TNNC2: variants seen among roughly 807,000 people sequenced by gnomAD.
The protein encoded by TNNC2 is troponin C2, fast skeletal type, also known as troponin C, skeletal muscle.
Under a neutral mutation model 20.0 loss-of-function variants are expected in TNNC2, and 14 were observed. The ratio of observed to expected loss-of-function variants is 0.70; its 90% CI spans 0.46 to 1.09. The LOEUF (loss-of-function observed/expected upper bound fraction) is 1.09. Ranked by LOEUF, TNNC2 falls within the 50% of genes least tolerant of loss-of-function variation. TNNC2 has a pLI of 0.00. For missense variants in TNNC2, 163 were observed against 223.8 expected (o/e 0.73, Z 1.73); for synonymous variants, 81 against 77.3 (o/e 1.05, Z -0.25).
Position 45,823,792 on chromosome 20 carries a change from C to A in TNNC2, c.451+199G>T, listed in dbSNP as rs1026592422. Among the ~76,000 whole-genome samples the A allele has an allele frequency of 6.6e-5, 10 of 152,128 alleles. No individual in the cohort carries two copies. The highest frequency in any genetic ancestry group is 3.9e-4 in the East Asian group (2 of 5,188). On this transcript the variant is annotated intron_variant, in intron 5 of 5. Coordinates refer to ENST00000372555, the MANE Select transcript of TNNC2 (RefSeq NM_003279.3). This position sits in a 1 kb window ranked among gnomAD's most constrained non-coding sequence, Gnocchi z 4.6. ...TTACAGTCCTGAGCCACCACGCCCCCCTGCCTGGTCATTAATTGATAAACT... is the reference window on the plus strand; with the variant it reads ...TTACAGTCCTGAGCCACCACGCCCCACTGCCTGGTCATTAATTGATAAACT...
At chr20:45,824,239 G>A (rs1167523593) in intron 4 of TNNC2, 53 bp downstream of exon 4, 1 of 1,602,086 alleles carries the variant, frequency 6.2e-7, no homozygotes, top group Non-Finnish European at 8.5e-7. Context: ...CAGCGCTGCC[G>A]GCCGGGTTCT....
chr20:45,829,779 C>G (rs1477437080), upstream of TNNC2, among the ~76,000 whole-genome samples: 1 of 147,606 alleles, frequency 6.8e-6, no homozygotes, highest in Non-Finnish European at 1.5e-5. Context: ...GAGCAAGACC[C>G]CGTCTCAAAA....
At chr20:45,827,983 T>C (rs759729861), upstream of TNNC2, among the ~76,000 whole-genome samples, 6 of 152,190 alleles carry the variant, frequency 3.9e-5, no homozygotes, top group Non-Finnish European at 5.9e-5. Context: ...TTTAACATGA[T>C]CTCATCTAGT....
At chr20:45,824,438 G>T in intron 3 of TNNC2, 32 bp from the exon 4 acceptor site, 1 of 1,611,198 alleles carries the variant, frequency 6.2e-7, no homozygotes, top group South Asian at 1.1e-5. Context: ...CTGAGCCTGA[G>T]CCCAGCCGCT....
upstream of TNNC2, among the ~76,000 whole-genome samples, chr20:45,827,581 C>T (rs1410336960): frequency 1.3e-5 from 2 of 152,196 alleles, no homozygotes; most frequent in Non-Finnish European, 2.9e-5. Flanking sequence ...CGAGGAAGCA[C>T]ACTGGCTCCA....
chr20:45,824,696 A>AACCCCCCCCCCCCCCC, intron 2 of TNNC2, 58 bp from the exon 3 acceptor site: 1 of 1,385,650 alleles, frequency 7.2e-7, no homozygotes, highest in Non-Finnish European at 9.7e-7. Flanking sequence ...CCTCACACCT[A>AACCCCCCCCCCCCCCC]CCCCCCCCCA....
intron 1 of TNNC2, among the ~76,000 whole-genome samples, chr20:45,826,702 C>T (rs1467325949): frequency 6.6e-6 from 1 of 152,212 alleles, no homozygotes; most frequent in Non-Finnish European, 1.5e-5. Flanking sequence ...ACCAAAACAA[C>T]AGCTCCAAAT....
chr20:45,824,756 G>T, intron 2 of TNNC2, 27 bp downstream of exon 2: 1 of 1,309,210 alleles, frequency 7.6e-7, no homozygotes, highest in South Asian at 1.2e-5. Flanking sequence ...CATCCACCCA[G>T]CCCCCAGCCT....
At chr20:45,826,360 TCA>T (rs1465977196) in intron 1 of TNNC2, among the ~76,000 whole-genome samples, 2 of 152,164 alleles carry the variant, frequency 1.3e-5, no homozygotes, top group Non-Finnish European at 2.9e-5. Flanking sequence ...TTCTTAGGAT[TCA>T]GTCATTGGAG....
At chr20:45,824,875 C>G (rs1982927925) in intron 1 of TNNC2, 41 bp from the exon 2 acceptor site, 1 of 1,612,746 alleles carries the variant, frequency 6.2e-7, no homozygotes, top group African/African-American at 1.3e-5. Flanking sequence ...AAGAGGCAGC[C>G]CCAGAGCAGT....
In TNNC2 at chr20:45,823,426, AG is replaced by A; in HGVS notation, c.452-48del. 1 of 1,562,608 alleles carries A rather than the reference AG, an allele frequency of 6.4e-7. No homozygotes were observed. The highest frequency in any genetic ancestry group is 1.2e-5 in the South Asian group (1 of 85,162). On this transcript the variant is annotated intron_variant, in intron 5 of 5. Coordinates refer to ENST00000372555, the MANE Select transcript of TNNC2 (RefSeq NM_003279.3). This position sits in a 1 kb window ranked among gnomAD's most constrained non-coding sequence, Gnocchi z 4.6. The stretch of plus-strand genomic sequence containing the variant: ...GGGTCAGGGGTCCCACTGGGGACGC[AG>A]AGGCCAGGCCAGGGCTCCAGCCACA...
intron 3 of TNNC2, 40 bp downstream of exon 3, chr20:45,824,455 T>G: frequency 6.2e-7 from 1 of 1,611,856 alleles, no homozygotes. Context: ...CGCTGCCGCC[T>G]CTCCCCACCA....
intron 1 of TNNC2, 121 bp downstream of exon 1, chr20:45,827,125 G>A: frequency 1.5e-6 from 2 of 1,324,934 alleles, no homozygotes; most frequent in Non-Finnish European, 2.1e-6. Flanking sequence ...TGGGTTCCAG[G>A]AACCTCCATG....
At chr20:45,831,579 T>C (rs1321308383), upstream of TNNC2, among the ~76,000 whole-genome samples, 1 of 151,830 alleles carries the variant, frequency 6.6e-6, no homozygotes, top group Non-Finnish European at 1.5e-5. Flanking sequence ...GACTCCAGCC[T>C]GGGTGATGGA....
Position 45,824,080 on chromosome 20 carries a change from C to T in TNNC2, c.362G>A (p.Arg121Lys), listed in dbSNP as rs1426939757. ...IDPEELAEIF[R>K]ASGEHVTDEE... ...GTCCGTCACGTGCTCCCCGGAGGCC[C>T]TGAAAATCTCAGCCAGCTCCTCCGG... is the stretch of plus-strand genomic sequence containing the variant. The change falls in exon 5 of 6, where the codon AGG (arginine) becomes AAG (lysine). Residue 121 changes from arginine (R) to lysine (K), a missense_variant. Transcript: ENST00000372555. The T allele has an allele frequency of 6.2e-7, 1 of 1,614,158 alleles. No individual in the cohort carries two copies. The highest frequency in any genetic ancestry group is 8.5e-7 in the Non-Finnish European group (1 of 1,180,010).
Position 45,827,211 on chromosome 20 carries a change from G to A in TNNC2, c.3+35C>T, listed in dbSNP as rs371533351. On this transcript the variant is annotated intron_variant, in intron 1 of 5. Transcript: ENST00000372555. ...CCTGAAAGGGGTCCAGAGTGCTCCC[G>A]TGAGTAAAGGCACAAAGTCCCCTCT... 1.7e-4 allele frequency: 267 copies of A among 1,614,026 alleles called. No homozygotes were observed. The Middle Eastern group carries it at 2.1e-3, about 13-fold the overall frequency.
At chr20:45,831,120 T>C (rs1396250957), upstream of TNNC2, among the ~76,000 whole-genome samples, 1 of 151,512 alleles carries the variant, frequency 6.6e-6, no homozygotes, top group East Asian at 1.9e-4. Flanking sequence ...ACCCCACCTT[T>C]ACAAAAAATA....
At position 45,823,402 on chromosome 20, in the gene TNNC2, G is replaced by T; in HGVS notation, c.452-23C>A. The stretch of plus-strand genomic sequence containing the variant: ...ACTCTGAGGGAAAGGAGAGGGAGAG[G>T]GTCAGGGGTCCCACTGGGGACGCAG... On this transcript the variant is annotated intron_variant, in intron 5 of 5. Transcript: ENST00000372555. The surrounding 1 kb of genome is among the most constrained non-coding windows in gnomAD (Gnocchi z 4.6). 1 of 1,588,324 alleles carries T rather than the reference G, an allele frequency of 6.3e-7. No individual in the cohort carries two copies.
At chr20:45,824,199 G>A (rs1039212350) in intron 4 of TNNC2, 72 bp from the exon 5 acceptor site, 16 of 1,597,690 alleles carry the variant, frequency 1.0e-5, no homozygotes, top group African/African-American at 6.7e-5. Flanking sequence ...TCGACGCCCC[G>A]CTTCCGCACT....
Sources: gnomAD v4.1 joint callset for allele counts (sites outside exome capture counted in the v4.1 genomes callset) on GRCh38, gnomAD v4.1.1 for gene constraint, Gnocchi (gnomAD v3.1) non-coding constraint, MANE v1.5 for transcripts, NCBI Gene and HGNC (gene_info 2026-07-23, HGNC 2026-07-21) for gene names.